SPMAP2L: variants seen among roughly 807,000 people sequenced by gnomAD.
SPMAP2L encodes the protein sperm microtubule associated protein 2 like.
the SPMAP2L span, among the ~76,000 whole-genome samples, chr4:56,573,881 G>A: frequency 6.6e-6 from 1 of 152,140 alleles, no homozygotes; most frequent in African/African-American, 2.4e-5. Flanking sequence ...AGGCTTACAA[G>A]ACACCAGTTC....
chr4:56,592,583 G>C, the SPMAP2L span, among the ~76,000 whole-genome samples: 6 of 152,226 alleles, frequency 3.9e-5, no homozygotes. Context: ...CGCCACCCGG[G>C]GGACCGAGGC....
the SPMAP2L span, chr4:56,594,797 T>C: frequency 4.6e-6 from 7 of 1,531,660 alleles, no homozygotes; most frequent in East Asian, 2.2e-5. Flanking sequence ...CAGTGACGTG[T>C]GTGACCTCAT....
At chr4:56,617,413 G>A in the SPMAP2L span, among the ~76,000 whole-genome samples, 1 of 152,114 alleles carries the variant, frequency 6.6e-6, no homozygotes. Context: ...ACCTATTGTT[G>A]TGGGGTGGCA....
chr4:56,552,114 T>C, the SPMAP2L span, among the ~76,000 whole-genome samples: 166 of 152,262 alleles, frequency 1.1e-3, no homozygotes, highest in African/African-American at 3.7e-3. Context: ...ACAGAGGGGA[T>C]TGAGTGGTAC....
chr4:56,586,868 C>T, the SPMAP2L span, among the ~76,000 whole-genome samples: 1 of 151,984 alleles, frequency 6.6e-6, no homozygotes, highest in African/African-American at 2.4e-5. Context: ...ACAAACCCCA[C>T]CTCTCAATTA....
chr4:56,540,492 G>A, the SPMAP2L span, among the ~76,000 whole-genome samples: 1 of 152,080 alleles, frequency 6.6e-6, no homozygotes, highest in Non-Finnish European at 1.5e-5. Flanking sequence ...GCAGTGAGCC[G>A]AGATCGCACC....
chr4:56,607,127 T>C, the SPMAP2L span, among the ~76,000 whole-genome samples: 1 of 152,152 alleles, frequency 6.6e-6, no homozygotes, highest in Non-Finnish European at 1.5e-5. Flanking sequence ...CCAAAATTCA[T>C]GTTGAAACTG....
At chr4:56,593,780 G>T in the SPMAP2L span, 1 of 1,586,598 alleles carries the variant, frequency 6.3e-7, no homozygotes, top group African/African-American at 1.3e-5. Context: ...CACTGAGAGA[G>T]ACATGGCTAC....
chr4:56,568,647 G>A, the SPMAP2L span, among the ~76,000 whole-genome samples: 1 of 152,150 alleles, frequency 6.6e-6, no homozygotes, highest in Non-Finnish European at 1.5e-5. Flanking sequence ...GCAAAATAGT[G>A]AGACCCCATC....
the SPMAP2L span, among the ~76,000 whole-genome samples, chr4:56,623,665 A>C: frequency 5.9e-5 from 9 of 152,114 alleles, no homozygotes; most frequent in Non-Finnish European, 1.2e-4. Flanking sequence ...ATGATAGTCT[A>C]TAAGTCTCAA....
chr4:56,558,333 AC>A, the SPMAP2L span, among the ~76,000 whole-genome samples: 1 of 151,884 alleles, frequency 6.6e-6, no homozygotes, highest in Admixed American at 6.6e-5. Flanking sequence ...TTTCCTTCTA[AC>A]TTACTTTAAG....
chr4:56,547,904 C>T, the SPMAP2L span, among the ~76,000 whole-genome samples: 1 of 152,120 alleles, frequency 6.6e-6, no homozygotes, highest in African/African-American at 2.4e-5. Context: ...CTGTTTTGGA[C>T]ATTTCAGGAT....
At chr4:56,581,765 C>T in the SPMAP2L span, among the ~76,000 whole-genome samples, 1 of 152,048 alleles carries the variant, frequency 6.6e-6, no homozygotes, top group Non-Finnish European at 1.5e-5. Context: ...TTTCTCATTT[C>T]AAAACTTACA....
chr4:56,568,575 A>G, the SPMAP2L span, among the ~76,000 whole-genome samples: 63,728 of 152,026 alleles, frequency 0.42, 14,547 homozygotes, highest in Non-Finnish European at 0.51. Flanking sequence ...TATGCCTATA[A>G]TCCCACTTTG....
At chr4:56,618,830 A>AG in the SPMAP2L span, among the ~76,000 whole-genome samples, 5 of 152,216 alleles carry the variant, frequency 3.3e-5, no homozygotes, top group African/African-American at 1.2e-4. Context: ...TTCTTCTGCC[A>AG]GCCGGGGTGT....
chr4:56,596,965 C>T, the SPMAP2L span, among the ~76,000 whole-genome samples: 3 of 152,188 alleles, frequency 2.0e-5, no homozygotes, highest in African/African-American at 4.8e-5. Context: ...CAGTGAACAA[C>T]TTGGAGCTCT....
chr4:56,572,166 T>A, the SPMAP2L span, among the ~76,000 whole-genome samples: 2 of 152,210 alleles, frequency 1.3e-5, no homozygotes, highest in Non-Finnish European at 2.9e-5. Flanking sequence ...TATTATATAC[T>A]GTTTAAAATT....
the SPMAP2L span, among the ~76,000 whole-genome samples, chr4:56,561,629 G>A: frequency 2.6e-5 from 4 of 152,172 alleles, no homozygotes; most frequent in East Asian, 7.7e-4. Context: ...TCACTACCGA[G>A]AATGGCACCA....
chr4:56,595,184 G>A, the SPMAP2L span: 106 of 1,611,524 alleles, frequency 6.6e-5, no homozygotes, highest in Admixed American at 4.5e-4. Context: ...ATGGCCAAGC[G>A]ATTAGAAAAA....
Sources: gnomAD v4.1 joint callset for allele counts (sites outside exome capture counted in the v4.1 genomes callset) on GRCh38, gnomAD v4.1.1 for gene constraint, MANE v1.5 for transcripts, NCBI Gene and HGNC (gene_info 2026-07-23, HGNC 2026-07-21) for gene names.